PTPRK: variants seen among roughly 807,000 people sequenced by gnomAD.
PTPRK encodes the protein protein tyrosine phosphatase receptor type K.
PTPRK carries 75 observed loss-of-function variants against 178.0 expected under a neutral mutation model. The ratio of observed to expected loss-of-function variants is 0.42; its 90% CI spans 0.35 to 0.51. The LOEUF is 0.51. Ranked by LOEUF, PTPRK falls within the 20% of genes least tolerant of loss-of-function variation. The pLI is 0.02. For synonymous variants in PTPRK, 637 were observed against 620.6 expected (o/e 1.03, Z -0.39); for missense variants, 1,441 against 1,797.8 (o/e 0.80, Z 3.59).
intron 1 of PTPRK, among the ~76,000 whole-genome samples, chr6:128,431,158 T>C (rs1285478502): frequency 6.6e-6 from 1 of 151,550 alleles, no homozygotes; most frequent in Non-Finnish European, 1.5e-5. Flanking sequence ...GTCTGGTCTC[T>C]AACTCCAGAC....
At chr6:128,374,833 C>G (rs1189269106) in intron 2 of PTPRK, among the ~76,000 whole-genome samples, 1 of 151,844 alleles carries the variant, frequency 6.6e-6, no homozygotes, top group Non-Finnish European at 1.5e-5. Flanking sequence ...ACAATCAGTC[C>G]CCTATTACTA....
intron 7 of PTPRK, among the ~76,000 whole-genome samples, chr6:128,172,868 T>C (rs1011146784): frequency 1.3e-5 from 2 of 151,882 alleles, no homozygotes; most frequent in Non-Finnish European, 2.9e-5. Flanking sequence ...TATCAATATA[T>C]TCCAAAGAAT....
chr6:128,395,537 T>C (rs2128367542), intron 2 of PTPRK, among the ~76,000 whole-genome samples: 1 of 152,310 alleles, frequency 6.6e-6, no homozygotes. Flanking sequence ...TATTCTATGA[T>C]GATAAACATT....
Position 128,303,763 on chromosome 6 carries a change from GT to G in PTPRK, c.495+18275del, listed in dbSNP as rs144501960. 9.2e-3 allele frequency among the ~76,000 whole-genome samples: 1,407 copies of G among 152,128 alleles called. 16 individuals carry two copies. Among genetic ancestry groups the G allele is most frequent in the African/African-American group, 0.032 (1,340 of 41,468 alleles). On this transcript the variant is annotated intron_variant, in intron 3 of 29. Transcript: ENST00000368226. The stretch of plus-strand genomic sequence containing the variant: ...AAATAAGTTGTTCAAGCACATTTCT[GT>G]TTTTAAAATGAATTTTTTTTCTTTA...
chr6:128,015,079 T>A (rs901394723), intron 13 of PTPRK, among the ~76,000 whole-genome samples: 3 of 151,786 alleles, frequency 2.0e-5, no homozygotes, highest in Non-Finnish European at 4.4e-5. Flanking sequence ...AGATTAATAC[T>A]GCAGATATTG....
Position 128,005,335 on chromosome 6 carries a change from A to T in PTPRK, c.2334-91T>A, listed in dbSNP as rs866751292. On this transcript the variant is annotated intron_variant, in intron 14 of 29. Coordinates refer to ENST00000368226, the MANE Select transcript of PTPRK (RefSeq NM_002844.4). ...ATAAATAGTCCAGGTGAGCCCGAGGATAATGTTACAAACATGGTTTAGAAA... is the reference window on the plus strand; with the variant it reads ...ATAAATAGTCCAGGTGAGCCCGAGGTTAATGTTACAAACATGGTTTAGAAA... 2.3e-5 allele frequency: 30 copies of T among 1,281,050 alleles called. No individual in the cohort carries two copies. The African/African-American group carries it at 4.0e-4, about 17-fold the overall frequency. The allele number at this position is 1,281,050 out of a possible 1,614,324, so 79.4% of individuals were successfully genotyped here. A position where few individuals can be genotyped will look rare whatever the true frequency, so the allele number is the denominator to read the frequency against.
intron 1 of PTPRK, among the ~76,000 whole-genome samples, chr6:128,503,845 TGTGTG>T (rs1855916877): frequency 4.5e-5 from 3 of 66,356 alleles, no homozygotes; most frequent in African/African-American, 1.2e-4. Flanking sequence ...GTTATTATTG[TGTGTG>T]TGTGTGTGTG....
intron 3 of PTPRK, among the ~76,000 whole-genome samples, chr6:128,245,119 C>T (rs1815215148): frequency 6.6e-6 from 1 of 152,116 alleles, no homozygotes; most frequent in Non-Finnish European, 1.5e-5. Flanking sequence ...ATTACAATCA[C>T]ACGAGGTAGG....
chr6:128,317,576 T>C (rs1042995903), intron 3 of PTPRK, among the ~76,000 whole-genome samples: 5 of 152,178 alleles, frequency 3.3e-5, no homozygotes, highest in African/African-American at 9.7e-5. Context: ...CAACATGATG[T>C]ATAACAATGC....
intron 13 of PTPRK, among the ~76,000 whole-genome samples, chr6:128,011,291 C>A (rs556350474): frequency 4.0e-5 from 6 of 151,222 alleles, no homozygotes; most frequent in African/African-American, 1.4e-4. Context: ...CTATGAGACA[C>A]TTGGCTTTCA....
intron 1 of PTPRK, among the ~76,000 whole-genome samples, chr6:128,457,521 T>C (rs1848545101): frequency 6.6e-6 from 1 of 152,138 alleles, no homozygotes; most frequent in Non-Finnish European, 1.5e-5. Flanking sequence ...CTTGGCTAAG[T>C]AATCATATAG....
At chr6:127,972,392 A>G (rs1562361835) in intron 29 of PTPRK, among the ~76,000 whole-genome samples, 1 of 152,168 alleles carries the variant, frequency 6.6e-6, no homozygotes, top group African/African-American at 2.4e-5. Context: ...GATAAGTGTA[A>G]CTTTCTTTCT....
intron 1 of PTPRK, among the ~76,000 whole-genome samples, chr6:128,487,767 A>G (rs1169068043): frequency 6.6e-6 from 1 of 152,160 alleles, no homozygotes; most frequent in Non-Finnish European, 1.5e-5. Context: ...CAGGTCACAT[A>G]AAACTTGATT....
chr6:128,270,921 G>A (rs1819707211), intron 3 of PTPRK, among the ~76,000 whole-genome samples: 1 of 152,028 alleles, frequency 6.6e-6, no homozygotes, highest in Non-Finnish European at 1.5e-5. Flanking sequence ...TGTATAAAAG[G>A]AGAGGGCAGA....
chr6:128,104,694 C>A (rs112713032), intron 7 of PTPRK, among the ~76,000 whole-genome samples: 1 of 152,074 alleles, frequency 6.6e-6, no homozygotes, highest in Non-Finnish European at 1.5e-5. Context: ...GGTTACTCTT[C>A]GGTAACAGAA....
intron 5 of PTPRK, among the ~76,000 whole-genome samples, chr6:128,238,664 G>T (rs1813808862): frequency 6.6e-6 from 1 of 152,144 alleles, no homozygotes; most frequent in Middle Eastern, 3.2e-3. Flanking sequence ...CATAGGAAGA[G>T]AAATAAGAAA....
intron 2 of PTPRK, among the ~76,000 whole-genome samples, chr6:128,371,019 A>G (rs964445049): frequency 6.6e-6 from 1 of 152,180 alleles, no homozygotes; most frequent in Non-Finnish European, 1.5e-5. Flanking sequence ...TTTCAAGAGA[A>G]CAATATGAAC....
At chr6:128,106,164 A>G (rs951062925) in intron 7 of PTPRK, among the ~76,000 whole-genome samples, 3 of 152,244 alleles carry the variant, frequency 2.0e-5, no homozygotes, top group Admixed American at 2.0e-4. Flanking sequence ...ATGCGATAAT[A>G]GAAAGTACAT....
intron 7 of PTPRK, among the ~76,000 whole-genome samples, chr6:128,162,672 G>A (rs774992240): frequency 6.6e-6 from 1 of 151,710 alleles, no homozygotes; most frequent in Non-Finnish European, 1.5e-5. Context: ...ATTAGGGAGA[G>A]GTCCATTAAT....
Sources: allele counts gnomAD v4.1 joint callset (sites outside exome capture counted in the v4.1 genomes callset), GRCh38; gene constraint gnomAD v4.1.1; transcripts MANE v1.5; gene names NCBI Gene and HGNC (gene_info 2026-07-23, HGNC 2026-07-21).